SLC35F4: variants seen among roughly 807,000 people sequenced by gnomAD.
SLC35F4 encodes solute carrier family 35 member F4.
SLC35F4 carries 24 observed loss-of-function variants against 44.2 expected under a neutral mutation model. The observed-to-expected ratio is 0.54, with a 90% CI of 0.39 to 0.76. The LOEUF (loss-of-function observed/expected upper bound fraction) is 0.76. Ranked by LOEUF, SLC35F4 falls within the 30% of genes least tolerant of loss-of-function variation. The pLI, the probability that SLC35F4 is intolerant of heterozygous loss-of-function variation, is 0.00. For synonymous variants in SLC35F4, 238 were observed against 223.6 expected, an observed-to-expected ratio of 1.06 and a Z score of -0.57; for missense variants, 562 against 586.1, an observed-to-expected ratio of 0.96 and a Z score of 0.42.
chr14:57,875,399 A>G (rs1374785241), intron 1 of SLC35F4, among the ~76,000 whole-genome samples: 1 of 152,214 alleles, frequency 6.6e-6, no homozygotes, highest in African/African-American at 2.4e-5. Context: ...TGCATACCAA[A>G]CAACTCCAAA....
At chr14:57,710,762 G>T (rs988223754) in intron 1 of SLC35F4, among the ~76,000 whole-genome samples, 1 of 152,014 alleles carries the variant, frequency 6.6e-6, no homozygotes. Flanking sequence ...GGTCCTGTAA[G>T]CCCCTTAGTT....
At chr14:57,728,511 C>T (rs1345799118) in intron 1 of SLC35F4, among the ~76,000 whole-genome samples, 3 of 122,216 alleles carry the variant, frequency 2.5e-5, no homozygotes, top group South Asian at 5.5e-4. Flanking sequence ...TGCAATGGCA[C>T]GATCTCGGCT....
chr14:57,952,352 A>T lies in SLC35F4; in HGVS notation n.282+29561T>A, dbSNP rs183583670. Among the ~76,000 whole-genome samples the T allele has an allele frequency of 2.6e-4, 39 of 152,312 alleles. No homozygotes were observed. In the East Asian group the frequency reaches 4.3e-3, roughly 17 times the overall value. On this transcript the variant is annotated intron_variant and non_coding_transcript_variant, in intron 1 of 1. Coordinates refer to the SLC35F4 transcript ENST00000556568. ...GAAAAAAACAGCACAAAAAGGCTGA[A>T]AATTCCAAAAACCAGAATGCCTCTT...
chr14:57,839,962 C>A (rs1021142425), intron 1 of SLC35F4, among the ~76,000 whole-genome samples: 2 of 152,180 alleles, frequency 1.3e-5, no homozygotes, highest in Non-Finnish European at 2.9e-5. Context: ...ACACTTCATT[C>A]TAGTCTTCTA....
chr14:57,934,817 T>C (rs1031199095), intron 1 of SLC35F4, among the ~76,000 whole-genome samples: 54 of 152,198 alleles, frequency 3.5e-4, no homozygotes, highest in African/African-American at 1.3e-3. Flanking sequence ...TGATTATTAA[T>C]CACCGATTTT....
At position 57,837,928 on chromosome 14, in the gene SLC35F4, A is replaced by C. The variant is rs140179669; in HGVS notation, c.103+27795T>G. ...ATACAGGGAAAGCACCACATTTTTGACATGCTTTTCCGTTTTATGGTTACC... is the reference window on the plus strand; with the variant it reads ...ATACAGGGAAAGCACCACATTTTTGCCATGCTTTTCCGTTTTATGGTTACC... On this transcript the variant is annotated intron_variant, in intron 1 of 7. Coordinates refer to ENST00000556826, the MANE Select transcript of SLC35F4 (RefSeq NM_001306087.2). Among the ~76,000 whole-genome samples, 544 of 152,276 alleles carry C rather than the reference A, an allele frequency of 3.6e-3. 5 individuals are homozygous for C. Among genetic ancestry groups the C allele is most frequent in the African/African-American group, 0.011 (451 of 41,564 alleles).
intron 1 of SLC35F4, among the ~76,000 whole-genome samples, chr14:57,917,767 G>C (rs1327251133): frequency 6.6e-6 from 1 of 152,092 alleles, no homozygotes; most frequent in East Asian, 1.9e-4. Context: ...GTTGAGGTTT[G>C]GGATATGGAT....
chr14:57,775,530 C>A (rs1329753447), intron 1 of SLC35F4, among the ~76,000 whole-genome samples: 1 of 152,212 alleles, frequency 6.6e-6, no homozygotes, highest in Non-Finnish European at 1.5e-5. Flanking sequence ...TCTAGGAGTT[C>A]TGAGCTGAGC....
Position 57,566,576 on chromosome 14 carries a change from A to T in SLC35F4, c.1127-12T>A, listed in dbSNP as rs1202895996. The stretch of plus-strand genomic sequence containing the variant: ...CAGGATGTTGAAGGCTGTAAAATAG[A>T]GGAGGAAATGCAAGATGAAAGAGAA... On this transcript the variant is annotated splice_polypyrimidine_tract_variant and intron_variant, in intron 6 of 7. Transcript: ENST00000556826. 1.9e-6 allele frequency: 3 copies of T among 1,585,904 alleles called. No individual in the cohort carries two copies. Among genetic ancestry groups the T allele is most frequent in the Non-Finnish European group, 8.6e-7 (1 of 1,165,234 alleles).
chr14:57,692,311 G>A (rs1432558793), intron 1 of SLC35F4, among the ~76,000 whole-genome samples: 2 of 152,058 alleles, frequency 1.3e-5, no homozygotes, highest in Non-Finnish European at 2.9e-5. Flanking sequence ...TCTCAATGTC[G>A]AATTGCTATT....
At chr14:57,900,593 T>C (rs1294701826) in intron 1 of SLC35F4, among the ~76,000 whole-genome samples, 1 of 152,134 alleles carries the variant, frequency 6.6e-6, no homozygotes, top group Non-Finnish European at 1.5e-5. Context: ...TAAAAGATAA[T>C]GACAGAGAAT....
chr14:57,873,460 T>C (rs1270730281), intron 1 of SLC35F4, among the ~76,000 whole-genome samples: 2 of 152,170 alleles, frequency 1.3e-5, no homozygotes, highest in African/African-American at 4.8e-5. Context: ...AATGTATCCA[T>C]TGGGTAGAAT....
chr14:57,829,495 G>GTGAAAGAA (rs1182174185), intron 1 of SLC35F4, among the ~76,000 whole-genome samples: 10 of 152,258 alleles, frequency 6.6e-5, no homozygotes, highest in African/African-American at 2.2e-4. Flanking sequence ...TGAAAGAGTT[G>GTGAAAGAA]TACAAAGCAG....
intron 1 of SLC35F4, among the ~76,000 whole-genome samples, chr14:57,821,079 C>T (rs1398466197): frequency 1.3e-5 from 2 of 152,170 alleles, no homozygotes; most frequent in African/African-American, 4.8e-5. Flanking sequence ...CCCTTAATTG[C>T]CATTGTTGCC....
At chr14:57,657,207 TC>T (rs1264035511) in intron 1 of SLC35F4, among the ~76,000 whole-genome samples, 2 of 152,226 alleles carry the variant, frequency 1.3e-5, no homozygotes, top group African/African-American at 4.8e-5. Flanking sequence ...CCTCTATCCT[TC>T]CCATTTTGGG....
intron 1 of SLC35F4, among the ~76,000 whole-genome samples, chr14:57,836,877 C>G (rs1884986925): frequency 6.6e-6 from 1 of 152,056 alleles, no homozygotes; most frequent in Non-Finnish European, 1.5e-5. Context: ...ATCATCACAC[C>G]TAAAAAAATT....
upstream of SLC35F4, among the ~76,000 whole-genome samples, chr14:57,868,450 T>G (rs1418098425): frequency 1.3e-5 from 2 of 151,820 alleles, no homozygotes; most frequent in African/African-American, 2.4e-5. Flanking sequence ...TATTAACAAT[T>G]TACAGAAATT....
chr14:57,811,393 A>G lies in SLC35F4; in HGVS notation c.103+54330T>C, dbSNP rs76030788. On this transcript the variant is annotated intron_variant, in intron 1 of 7. Transcript: ENST00000556826. ...ATGGCAGAGGTATTATGAGAATTAA[A>G]TAAAATGTATATCAGGAGGCCTAAA... Among the ~76,000 whole-genome samples the G allele has an allele frequency of 9.4e-4, 143 of 152,298 alleles. 2 individuals are homozygous for G. In the East Asian group the frequency reaches 0.019, roughly 21 times the overall value.
chr14:57,865,898 G>T lies in SLC35F4; in HGVS notation c.-73C>A, dbSNP rs1394510828. On this transcript the variant is annotated 5_prime_UTR_variant, in exon 1 of 8. Transcript: ENST00000556826. The stretch of plus-strand genomic sequence containing the variant: ...GCGCGGGGCCCGGGAGCTGGTGCAG[G>T]TGCCGGAGCCGCTGGTGCTGATCTT... 7.4e-6 allele frequency: 8 copies of T among 1,083,238 alleles called. No individual in the cohort carries two copies. Among genetic ancestry groups the T allele is most frequent in the Non-Finnish European group, 1.0e-5 (8 of 783,492 alleles). 67.1% of individuals were successfully genotyped at this position (1,083,238 alleles called of 1,614,324 possible).
Sources: allele counts gnomAD v4.1 joint callset (sites outside exome capture counted in the v4.1 genomes callset), GRCh38; gene constraint gnomAD v4.1.1; transcripts MANE v1.5; gene names NCBI Gene and HGNC (gene_info 2026-07-23, HGNC 2026-07-21).